SETD3: variants seen among roughly 807,000 people sequenced by gnomAD.
SETD3 encodes actin-histidine N-methyltransferase.
A neutral mutation model predicts 63.0 loss-of-function variants in SETD3; 19 were observed. The observed-to-expected ratio is 0.30, with a 90% confidence interval of 0.21 to 0.44. The LOEUF is 0.44. SETD3 is among the 20% of genes least tolerant of loss of function. The probability of loss-of-function intolerance (pLI) is 1.00; values close to 1 mark genes in which losing one functional copy is unlikely to be tolerated. For missense variants in SETD3, 587 were observed against 728.5 expected (o/e 0.81, Z 2.24); for synonymous variants, 286 against 264.1 (o/e 1.08, Z -0.80).
chr14:99,399,533 T>C (rs1422451619), intron 12 of SETD3, among the ~76,000 whole-genome samples: 1 of 152,156 alleles, frequency 6.6e-6, no homozygotes, highest in Non-Finnish European at 1.5e-5. Flanking sequence ...AGTGGCTCAG[T>C]AGTGAACTTA....
intron 11 of SETD3, among the ~76,000 whole-genome samples, chr14:99,403,126 C>A (rs969384404): frequency 3.3e-5 from 5 of 152,156 alleles, no homozygotes; most frequent in African/African-American, 1.2e-4. Flanking sequence ...TTGGGTTCTG[C>A]GGTTGGTGTG....
At chr14:99,472,907 T>G (rs1566736945) in intron 1 of SETD3, among the ~76,000 whole-genome samples, 1 of 152,210 alleles carries the variant, frequency 6.6e-6, no homozygotes, top group Non-Finnish European at 1.5e-5. Flanking sequence ...ACATGAATTA[T>G]ACAATTATAG....
intron 6 of SETD3, among the ~76,000 whole-genome samples, chr14:99,440,562 T>G (rs1893744942): frequency 6.6e-6 from 1 of 152,032 alleles, no homozygotes; most frequent in African/African-American, 2.4e-5. Context: ...AATCTAAGTC[T>G]CACTGCGGTC....
chr14:99,468,861 C>A (rs1430380039), intron 1 of SETD3, among the ~76,000 whole-genome samples: 1 of 152,212 alleles, frequency 6.6e-6, no homozygotes, highest in African/African-American at 2.4e-5. Context: ...CTTCAGGTAA[C>A]AGGCTCCTTG....
intron 6 of SETD3, among the ~76,000 whole-genome samples, chr14:99,440,502 T>A (rs1178565426): frequency 6.6e-6 from 1 of 152,066 alleles, no homozygotes; most frequent in Non-Finnish European, 1.5e-5. Flanking sequence ...GCCTCCGGTG[T>A]CTACATCATG....
intron 6 of SETD3, among the ~76,000 whole-genome samples, chr14:99,452,874 G>C (rs1310024080): frequency 1.3e-5 from 2 of 152,196 alleles, no homozygotes; most frequent in Non-Finnish European, 2.9e-5. Flanking sequence ...ATAGGTTTCA[G>C]TTCACATGCA....
rs536098033 is a variant in SETD3 at position 99,400,787 on chromosome 14, A to T, written c.1178-528T>A. On this transcript the variant is annotated intron_variant, in intron 11 of 12. Coordinates refer to ENST00000331768, the MANE Select transcript of SETD3 (RefSeq NM_032233.3). Reference sequence around the variant, plus strand: ...TTAAGCCACGTTCGTAACAAGCCACAAACTGAAAGAAATAAGAGCCTAAAT... The same window carrying T: ...TTAAGCCACGTTCGTAACAAGCCACTAACTGAAAGAAATAAGAGCCTAAAT... Among the ~76,000 whole-genome samples the T allele has an allele frequency of 5.3e-5, 8 of 152,352 alleles. No individual in the cohort carries two copies. In the East Asian group the frequency reaches 1.5e-3, roughly 29 times the overall value.
At chr14:99,476,056 T>C (rs1163514785) in intron 1 of SETD3, among the ~76,000 whole-genome samples, 2 of 152,248 alleles carry the variant, frequency 1.3e-5, no homozygotes, top group African/African-American at 4.8e-5. Flanking sequence ...CACAATCATG[T>C]CATTTGGGCA....
intron 6 of SETD3, among the ~76,000 whole-genome samples, chr14:99,452,881 T>G (rs1455458325): frequency 2.0e-5 from 3 of 152,210 alleles, no homozygotes; most frequent in Non-Finnish European, 4.4e-5. Flanking sequence ...TCAGTTCACA[T>G]GCAGAGTTTG....
chr14:99,438,518 CATGTT>C (rs2139710943), intron 6 of SETD3, among the ~76,000 whole-genome samples: 1 of 152,316 alleles, frequency 6.6e-6, no homozygotes, highest in South Asian at 2.1e-4. Context: ...TTAGTAATGT[CATGTT>C]ATAAGCAAGG....
At chr14:99,420,980 G>GGGA (rs1566694441) in intron 6 of SETD3, among the ~76,000 whole-genome samples, 1 of 40,110 alleles carries the variant, frequency 2.5e-5, no homozygotes, top group Non-Finnish European at 5.1e-5. Flanking sequence ...GGGGGGGTGG[G>GGGA]AGGTGCAGAC....
chr14:99,416,316 G>A (rs1892288547), intron 6 of SETD3, among the ~76,000 whole-genome samples: 1 of 152,126 alleles, frequency 6.6e-6, no homozygotes, highest in Non-Finnish European at 1.5e-5. Flanking sequence ...TTACTGGAAA[G>A]TTCCTAAAAT....
chr14:99,454,328 G>A (rs571432154), intron 6 of SETD3, among the ~76,000 whole-genome samples: 4 of 151,988 alleles, frequency 2.6e-5, no homozygotes, highest in South Asian at 2.1e-4. Context: ...TAGCTGGGAC[G>A]ACAGGTGTAT....
chr14:99,436,266 G>A (rs773607382), intron 6 of SETD3, among the ~76,000 whole-genome samples: 2 of 152,142 alleles, frequency 1.3e-5, no homozygotes, highest in African/African-American at 2.4e-5. Flanking sequence ...CCGTACTTCC[G>A]CCTTCCAAGT....
upstream of SETD3, among the ~76,000 whole-genome samples, chr14:99,483,530 A>G (rs1184312347): frequency 6.6e-6 from 1 of 152,258 alleles, no homozygotes; most frequent in Non-Finnish European, 1.5e-5. Flanking sequence ...AGCCTGGGCG[A>G]CAAAGCAAGA....
intron 7 of SETD3, among the ~76,000 whole-genome samples, chr14:99,413,579 T>G (rs1371291823): frequency 6.6e-6 from 1 of 152,200 alleles, no homozygotes; most frequent in Non-Finnish European, 1.5e-5. Context: ...ATAGTCTTTT[T>G]TAAATAAGAA....
At position 99,458,401 on chromosome 14, in the gene SETD3, T is replaced by C; in HGVS notation, c.553A>G (p.Thr185Ala). 6.2e-7 allele frequency: 1 copy of C among 1,613,898 alleles called. No individual in the cohort carries two copies. Among genetic ancestry groups the C allele is most frequent in the South Asian group, 1.1e-5 (1 of 91,072 alleles). ...YIQTLPSEYD[T>A]PLYFEEDEVR... is the part of the protein sequence containing the mutation. ...TCATCTTCTTCAAAGTAGAGAGGAG[T>C]GTCATATTCACTGGGGAGGGTTTGA... The change falls in exon 6 of 13, where the codon ACT becomes GCT. Residue 185 changes from threonine to alanine, a missense_variant. By Grantham distance (58) the Thr-to-Ala change is moderately conservative. Transcript: ENST00000331768.
chr14:99,402,359 T>C (rs1301854630), intron 11 of SETD3, among the ~76,000 whole-genome samples: 2 of 152,226 alleles, frequency 1.3e-5, no homozygotes, highest in Non-Finnish European at 2.9e-5. Context: ...GTCAGGGTCA[T>C]CACTTGCTTA....
At chr14:99,453,240 G>A (rs1003705358) in intron 6 of SETD3, among the ~76,000 whole-genome samples, 1 of 152,116 alleles carries the variant, frequency 6.6e-6, no homozygotes, top group African/African-American at 2.4e-5. Flanking sequence ...GAGAAAATAC[G>A]ACACTTTTAT....
Sources: gnomAD v4.1 joint callset for allele counts (sites outside exome capture counted in the v4.1 genomes callset) on GRCh38, gnomAD v4.1.1 for gene constraint, MANE v1.5 for transcripts, NCBI Gene and HGNC (gene_info 2026-07-23, HGNC 2026-07-21) for gene names.